The following COG1 variants were observed in gnomAD, a reference collection of about 807,000 sequenced individuals.
COG1 encodes the protein conserved oligomeric Golgi complex subunit 1.
A neutral mutation model predicts 102.2 loss-of-function variants in COG1; 61 were observed. That is an observed-to-expected ratio of 0.60 (90% CI 0.49 to 0.74). The LOEUF is 0.74. COG1 is among the 30% of genes least tolerant of loss of function. COG1 has a pLI of 0.00. For synonymous variants in COG1, 454 were observed against 493.6 expected, an observed-to-expected ratio of 0.92 and a Z score of 1.06; for missense variants, 1,164 against 1,232.1, an observed-to-expected ratio of 0.94 and a Z score of 0.83.
At chr17:73,205,223 A>G in intron 9 of COG1, 1 of 321,906 alleles carries the variant, frequency 3.1e-6, no homozygotes, top group Non-Finnish European at 5.9e-6. Context: ...GATTTTGGAA[A>G]GAATTCAGTA....
In COG1 at chr17:73,201,312, G is replaced by C; in HGVS notation, c.1485G>C (p.Arg495=). 1 of 1,614,202 alleles carries C rather than the reference G, an allele frequency of 6.2e-7. No homozygotes were observed. Among genetic ancestry groups the C allele is most frequent in the Non-Finnish European group, 8.5e-7 (1 of 1,180,030 alleles). ...CGGCCTGGGTCAGCGTGGCAAACCG[G>C]GGTCAGTTTGCCAGTAGCGGCCTCT... is the stretch of plus-strand genomic sequence containing the variant. ...SDAAWVSVAN[R]GQFASSGLSM... is the part of the protein sequence containing the mutation. The change falls in exon 7 of 14, where the codon CGG becomes CGC. Residue 495 remains arginine, a synonymous_variant. Coordinates refer to ENST00000299886, the MANE Select transcript of COG1 (RefSeq NM_018714.3).
intron 8 of COG1, 38 bp from the exon 9 acceptor site, chr17:73,203,594 G>C: frequency 6.2e-7 from 1 of 1,612,710 alleles, no homozygotes; most frequent in Non-Finnish European, 8.5e-7. Flanking sequence ...CATTTAATTG[G>C]TGCAAGTTGG....
chr17:73,194,040 C>T (rs942723745), intron 1 of COG1, among the ~76,000 whole-genome samples: 67 of 152,212 alleles, frequency 4.4e-4, no homozygotes, highest in African/African-American at 1.1e-3. Flanking sequence ...CATTCAGGTT[C>T]TCCTTATCCC....
At position 73,201,109 on chromosome 17, in the gene COG1, A is replaced by C; in HGVS notation, c.1282A>C (p.Thr428Pro). 1 of 1,613,608 alleles carries C rather than the reference A, an allele frequency of 6.2e-7. No individual in the cohort carries two copies. The highest frequency in any genetic ancestry group is 8.5e-7 in the Non-Finnish European group (1 of 1,179,644). The part of the protein sequence containing the change: ...MQQLFLDRLQ[T>P]LTKEGFDSIS... The stretch of plus-strand genomic sequence containing the variant: ...GAACTCTTCTCTCATTCTCTTTTAG[A>C]CTCTGACAAAAGAAGGCTTTGACTC... The change falls in exon 7 of 14, where the codon ACT becomes CCT. Residue 428 changes from threonine to proline, a missense_variant and splice_region_variant. Transcript: ENST00000299886.
intron 4 of COG1, among the ~76,000 whole-genome samples, chr17:73,198,161 G>A (rs747999603): frequency 6.8e-5 from 10 of 146,878 alleles, no homozygotes; most frequent in African/African-American, 7.5e-5. Context: ...CTTGGGTTAC[G>A]AAGGAACAAT....
chr17:73,207,895 T>C, intron 13 of COG1: 1 of 1,186,394 alleles, frequency 8.4e-7, no homozygotes, highest in Non-Finnish European at 1.1e-6. Context: ...CTAAAATCCT[T>C]GTCAAGTATC....
chr17:73,196,479 T>C (rs375481084), intron 1 of COG1, 28 bp from the exon 2 acceptor site: 199 of 1,614,022 alleles, frequency 1.2e-4, no homozygotes, highest in Non-Finnish European at 1.6e-4. Context: ...TTCGTTCTTC[T>C]GGTTTAGTTC....
At chr17:73,204,868 T>A (rs998204112) in intron 9 of COG1, among the ~76,000 whole-genome samples, 1 of 152,192 alleles carries the variant, frequency 6.6e-6, no homozygotes, top group Non-Finnish European at 1.5e-5. Flanking sequence ...GTAACATTTT[T>A]TAGAAGGAAC....
At chr17:73,199,741 ATTG>A (rs559122170) in intron 4 of COG1, 121 bp from the exon 5 acceptor site, 14 of 1,140,462 alleles carry the variant, frequency 1.2e-5, no homozygotes, top group Non-Finnish European at 1.8e-5. Flanking sequence ...CGCCTGGCAA[ATTG>A]TTTCTTTTTT....
intron 2 of COG1, 31 bp downstream of exon 2, chr17:73,196,782 G>C (rs1599323683): frequency 6.2e-7 from 1 of 1,613,962 alleles, no homozygotes; most frequent in African/African-American, 1.3e-5. Flanking sequence ...GAGCTGCTCT[G>C]GTGGTGGCCA....
chr17:73,200,584 A>G lies in COG1; in HGVS notation c.1089A>G (p.Lys363=), dbSNP rs147391794. The change falls in exon 6 of 14, where the codon AAA becomes AAG. Residue 363 remains lysine (K), a synonymous_variant. Coordinates refer to ENST00000299886, the MANE Select transcript of COG1 (RefSeq NM_018714.3). ...KWIHMCNEDI[K]NGITNLLMYV... Reference sequence around the variant, plus strand: ...GTTGCAGGTGTAATGAAGACATTAAAAATGGGATCACCAACCTGCTCATGT... The same window carrying G: ...GTTGCAGGTGTAATGAAGACATTAAGAATGGGATCACCAACCTGCTCATGT... The G allele has an allele frequency of 6.2e-7, 1 of 1,614,210 alleles. No homozygotes were observed. Among genetic ancestry groups the G allele is most frequent in the African/African-American group, 1.3e-5 (1 of 75,056 alleles).
In COG1 at chr17:73,203,904, C is replaced by T. The variant is rs139244238; in HGVS notation, c.2382+111C>T. The stretch of plus-strand genomic sequence containing the variant: ...CAAAGACTCAAACTGTTAAGGATCA[C>T]CCAGCCCAGGCATCGGGTCCTGTAA... On this transcript the variant is annotated intron_variant, in intron 9 of 13. Transcript: ENST00000299886. 742 of 1,247,182 alleles carry T rather than the reference C, an allele frequency of 5.9e-4. 7 individuals carry two copies. In the African/African-American group the frequency reaches 9.5e-3, roughly 16 times the overall value. The allele number at this position is 1,247,182 out of a possible 1,614,324, so 77.3% of individuals were successfully genotyped here.
chr17:73,194,421 C>G (rs1161016596), intron 1 of COG1, among the ~76,000 whole-genome samples: 7 of 108,192 alleles, frequency 6.5e-5, no homozygotes, highest in Non-Finnish European at 3.7e-5. Flanking sequence ...CAGCCTGGGC[C>G]ACAGAGCGAG....
chr17:73,203,132 C>T lies in COG1; in HGVS notation c.2206C>T (p.Arg736Ter), dbSNP rs2061353838. 2 of 1,613,980 alleles carry T rather than the reference C, an allele frequency of 1.2e-6. No individual in the cohort carries two copies. Among genetic ancestry groups the T allele is most frequent in the African/African-American group, 1.3e-5 (1 of 74,918 alleles). Reference protein sequence around the residue: ...ESGSSVTSKIRLPAQPSWYVQ... With the variant: ...ESGSSVTSKI ...TGGCAGCAGTGTCACATCCAAGATC[C>T]GACTCCCTGCACAGGTGAGCAGGGA... The change falls in exon 8 of 14, where the codon CGA (arginine) becomes TGA (stop). Residue 736 changes from arginine (R) to a stop codon, truncating the protein, a stop_gained. Coordinates refer to ENST00000299886, the MANE Select transcript of COG1 (RefSeq NM_018714.3). LOFTEE classifies it high-confidence loss of function.
rs770370612 is a variant in COG1 at position 73,200,742 on chromosome 17, A to G, written c.1247A>G (p.Asp416Gly). The change falls in exon 6 of 14, where the codon GAT (aspartate) becomes GGT (glycine). Residue 416 changes from aspartate (D) to glycine (G), a missense_variant. Transcript: ENST00000299886. ...GAGAAGCCGCTCTTGTTCTGGGAAG[A>G]TATGATGCAGCAACTGTTCCTTGAC... is the stretch of plus-strand genomic sequence containing the variant. ...LLEKPLLFWE[D>G]MMQQLFLDRL... The G allele has an allele frequency of 6.2e-7, 1 of 1,614,158 alleles. No homozygotes were observed. The highest frequency in any genetic ancestry group is 1.1e-5 in the South Asian group (1 of 91,080).
chr17:73,208,440 A>G lies in COG1; in HGVS notation c.2932A>G (p.Met978Val). 6.2e-7 allele frequency: 1 copy of G among 1,614,168 alleles called. No individual in the cohort carries two copies. The highest frequency in any genetic ancestry group is 8.5e-7 in the Non-Finnish European group (1 of 1,180,028). ...ATTCAAACTTGGCTGGCTCTCTAGTATGACTAAGTAACATGGCAACACATC... is the reference window on the plus strand; with the variant it reads ...ATTCAAACTTGGCTGGCTCTCTAGTGTGACTAAGTAACATGGCAACACATC... ...SLFKLGWLSSMTK is the reference protein window; with the variant it reads ...SLFKLGWLSSVTK The change falls in exon 14 of 14, where the codon ATG becomes GTG. Residue 978 changes from methionine (M) to valine (V), a missense_variant. By Grantham distance (21) the Met-to-Val change is conservative. Transcript: ENST00000299886.
chr17:73,193,350 GC>G lies in COG1; in HGVS notation c.282del (p.Ser95ArgfsTer31). The G allele has an allele frequency of 6.6e-7, 1 of 1,505,540 alleles. No individual in the cohort carries two copies. The highest frequency in any genetic ancestry group is 8.8e-7 in the Non-Finnish European group (1 of 1,131,034). The allele number at this position is 1,505,540 out of a possible 1,614,324, so 93.3% of individuals were successfully genotyped here. On this transcript the variant is annotated frameshift_variant, in exon 1 of 14. Coordinates refer to ENST00000299886, the MANE Select transcript of COG1 (RefSeq NM_018714.3). LOFTEE classifies it high-confidence loss of function. ...TACTGCGCCCGCCTCCGCCAGGCCG[GC>G]TCGGCCGCGCCCCGGCCACCGCGGG... is the stretch of plus-strand genomic sequence containing the variant. The part of the protein sequence containing the change: ...DQYCARLRQA[G>X]SAAPRPPRAQ...
In COG1 at chr17:73,207,092, C is replaced by CAAAAAAAAAAAAAAAAAAAAAAAAAA. The variant is rs57965299; in HGVS notation, c.2730-67_2730-66insAAAAAAAAAAAAAAAAAAAAAAAAAA. 6.0e-6 allele frequency: 5 copies of CAAAAAAAAAAAAAAAAAAAAAAAAAA among 834,946 alleles called. No homozygotes were observed. The African/African-American group carries it at 7.5e-5, about 12-fold the overall frequency. The allele number at this position is 834,946 out of a possible 1,614,324, so 51.7% of individuals were successfully genotyped here. A position where few individuals can be genotyped will look rare whatever the true frequency, so the allele number is the denominator to read the frequency against. ...TGGGCGACAGAACGAGACTCTGTCTCAAAAAAAAAAAAAAAAAAAAAATGA... is the reference window on the plus strand; with the variant it reads ...TGGGCGACAGAACGAGACTCTGTCTCAAAAAAAAAAAAAAAAAAAAAAAAAAAAAAAAAAAAAAAAAAAAAAAATGA... On this transcript the variant is annotated intron_variant, in intron 12 of 13. Coordinates refer to ENST00000299886, the MANE Select transcript of COG1 (RefSeq NM_018714.3).
intron 1 of COG1, among the ~76,000 whole-genome samples, chr17:73,195,837 C>T (rs182415893): frequency 1.7e-4 from 26 of 152,286 alleles, no homozygotes; most frequent in African/African-American, 6.3e-4. Context: ...CACTGGAACC[C>T]GGGATGTTTG....
Sources: gnomAD v4.1 joint callset for allele counts (sites outside exome capture counted in the v4.1 genomes callset) on GRCh38, gnomAD v4.1.1 for gene constraint, MANE v1.5 for transcripts, NCBI Gene and HGNC (gene_info 2026-07-23, HGNC 2026-07-21) for gene names.